Variants in AFAP1 observed in about 807,000 individuals in gnomAD.
AFAP1 encodes actin filament associated protein 1, also known as actin filament-associated protein 1.
A neutral mutation model predicts 93.9 loss-of-function variants in AFAP1; 75 were observed. The observed-to-expected ratio is 0.80, with a 90% CI of 0.66 to 0.97. The LOEUF (loss-of-function observed/expected upper bound fraction) is 0.97. AFAP1 is among the 50% of genes least tolerant of loss of function. The pLI is 0.00. For missense variants in AFAP1, 1,201 were observed against 1,050.8 expected, an observed-to-expected ratio of 1.14 and a Z score of -1.98; for synonymous variants, 517 against 430.7, an observed-to-expected ratio of 1.20 and a Z score of -2.48.
chr4:7,925,644 C>T (rs1248259110), intron 1 of AFAP1, among the ~76,000 whole-genome samples: 2 of 152,094 alleles, frequency 1.3e-5, no homozygotes, highest in Non-Finnish European at 2.9e-5. Context: ...GTTGGGAGTT[C>T]AAGACCAGCC....
chr4:7,774,902 ATCTTG>A lies in AFAP1; in HGVS notation c.1898-4_1898del. On this transcript the variant is annotated splice_acceptor_variant and splice_polypyrimidine_tract_variant and coding_sequence_variant and intron_variant, in exon 15 of 18. Transcript: ENST00000420658. LOFTEE classifies it high-confidence loss of function. ...TCTTGCCATACTTGTACTGGGCAGC[ATCTTG>A]AGAAGAAAAAAAAGCAGCAATTAAA... 6.2e-7 allele frequency: 1 copy of A among 1,601,816 alleles called. No homozygotes were observed. The highest frequency in any genetic ancestry group is 1.8e-5 in the Admixed American group (1 of 56,396).
chr4:7,905,188 C>A (rs752554361), intron 1 of AFAP1, among the ~76,000 whole-genome samples: 1 of 152,208 alleles, frequency 6.6e-6, no homozygotes, highest in Non-Finnish European at 1.5e-5. Flanking sequence ...AAAGAAAGAG[C>A]AAGATGCATA....
chr4:7,915,477 T>TG (rs1553855505), intron 1 of AFAP1, among the ~76,000 whole-genome samples: 2 of 147,032 alleles, frequency 1.4e-5, no homozygotes, highest in Admixed American at 1.4e-4. Flanking sequence ...AAACCCCATC[T>TG]AAAAAAAAAA....
chr4:7,893,436 C>T (rs569243719), intron 1 of AFAP1, among the ~76,000 whole-genome samples: 2 of 152,108 alleles, frequency 1.3e-5, no homozygotes, highest in Non-Finnish European at 2.9e-5. Flanking sequence ...AAAAAATTAG[C>T]CAGGCGTGGT....
At chr4:7,834,962 A>C (rs1257725145) in intron 6 of AFAP1, among the ~76,000 whole-genome samples, 2 of 143,886 alleles carry the variant, frequency 1.4e-5, no homozygotes, top group Non-Finnish European at 3.0e-5. Flanking sequence ...GGGCTGCCTT[A>C]AAGTTACCTG....
At chr4:7,929,874 C>T (rs1720967207) in intron 1 of AFAP1, among the ~76,000 whole-genome samples, 1 of 152,218 alleles carries the variant, frequency 6.6e-6, no homozygotes, top group Non-Finnish European at 1.5e-5. Flanking sequence ...GCTCTGTTCT[C>T]AGCAGGACCG....
chr4:7,831,393 T>TAAAAAAAAA (rs34512873), intron 6 of AFAP1, among the ~76,000 whole-genome samples: 1 of 137,844 alleles, frequency 7.3e-6, no homozygotes, highest in Non-Finnish European at 1.6e-5. Flanking sequence ...CAGCAAATGC[T>TAAAAAAAAA]AAAAAAAAAA....
At chr4:7,794,741 G>T (rs1458786518) in intron 10 of AFAP1, among the ~76,000 whole-genome samples, 3 of 152,028 alleles carry the variant, frequency 2.0e-5, no homozygotes, top group Non-Finnish European at 4.4e-5. Context: ...GCCCAGGCTG[G>T]TCTTGAACTC....
intron 1 of AFAP1, among the ~76,000 whole-genome samples, chr4:7,907,940 A>T (rs1243384480): frequency 6.6e-6 from 1 of 152,186 alleles, no homozygotes; most frequent in Non-Finnish European, 1.5e-5. Context: ...AAAAGCATGA[A>T]TACATACACG....
intron 1 of AFAP1, among the ~76,000 whole-genome samples, chr4:7,889,765 T>G (rs188713876): frequency 6.7e-6 from 1 of 148,366 alleles, no homozygotes; most frequent in Non-Finnish European, 1.5e-5. Flanking sequence ...CCACTTCCAA[T>G]AGTATTAAAA....
chr4:7,782,256 C>T (rs993639152), intron 12 of AFAP1, among the ~76,000 whole-genome samples: 2 of 152,346 alleles, frequency 1.3e-5, no homozygotes, highest in Admixed American at 1.3e-4. Context: ...CATCCCCACG[C>T]GGTGCTCCCG....
chr4:7,832,306 A>G (rs1004846287), intron 6 of AFAP1, among the ~76,000 whole-genome samples: 14 of 152,026 alleles, frequency 9.2e-5, no homozygotes, highest in African/African-American at 3.4e-4. Context: ...AGATGTGGGA[A>G]GAGCCTCAGC....
chr4:7,905,822 G>T (rs1349339369), intron 1 of AFAP1, among the ~76,000 whole-genome samples: 1 of 152,150 alleles, frequency 6.6e-6, no homozygotes, highest in Admixed American at 6.5e-5. Context: ...TCCATACCCC[G>T]TCCCATTTCT....
chr4:7,799,963 G>A (rs1718865916), intron 10 of AFAP1, among the ~76,000 whole-genome samples: 2 of 152,156 alleles, frequency 1.3e-5, no homozygotes, highest in African/African-American at 4.8e-5. Context: ...CGTCTATAAG[G>A]CATTCAGATG....
At chr4:7,890,200 T>C (rs1414638258) in intron 1 of AFAP1, among the ~76,000 whole-genome samples, 3 of 152,152 alleles carry the variant, frequency 2.0e-5, no homozygotes, top group Admixed American at 2.0e-4. Flanking sequence ...GATAGATTGG[T>C]GAACAAAGTC....
intron 1 of AFAP1, among the ~76,000 whole-genome samples, chr4:7,907,081 A>G (rs1719454180): frequency 6.6e-6 from 1 of 152,192 alleles, no homozygotes; most frequent in Non-Finnish European, 1.5e-5. Flanking sequence ...AAATGCTACA[A>G]CGTTGAAATC....
intron 1 of AFAP1, among the ~76,000 whole-genome samples, chr4:7,912,374 T>C (rs369547186): frequency 1.3e-5 from 2 of 152,374 alleles, no homozygotes; most frequent in East Asian, 3.9e-4. Flanking sequence ...TAAGAAACTG[T>C]CAAACTGTTT....
rs534003069 is a variant in AFAP1 at position 7,934,291 on chromosome 4, C to T, written c.-3+5365G>A. Among the ~76,000 whole-genome samples, 5 of 152,316 alleles carry T rather than the reference C, an allele frequency of 3.3e-5. No individual in the cohort carries two copies. The South Asian group carries it at 1.0e-3, about 32-fold the overall frequency. ...CGGCTCCAGATGCCCCGAGGGAGCC[C>T]AACCCAGCACTCACTCTGCTGCACT... is the stretch of plus-strand genomic sequence containing the variant. On this transcript the variant is annotated intron_variant, in intron 1 of 17. Transcript: ENST00000420658.
intron 6 of AFAP1, among the ~76,000 whole-genome samples, chr4:7,830,478 C>A (rs1721791548): frequency 6.6e-6 from 1 of 152,184 alleles, no homozygotes; most frequent in Non-Finnish European, 1.5e-5. Flanking sequence ...GCAGATAATT[C>A]TGAGTGAGAA....
Sources: gnomAD v4.1 joint callset for allele counts (sites outside exome capture counted in the v4.1 genomes callset) on GRCh38, gnomAD v4.1.1 for gene constraint, MANE v1.5 for transcripts, NCBI Gene and HGNC (gene_info 2026-07-23, HGNC 2026-07-21) for gene names.